The following EPM2A variants were observed in gnomAD, a reference collection of about 807,000 sequenced individuals.
The protein encoded by EPM2A is laforin.
In EPM2A, 21 loss-of-function variants were observed where a neutral mutation model predicts 26.5. The ratio of observed to expected loss-of-function variants is 0.79; its 90% confidence interval spans 0.56 to 1.14. The LOEUF is 1.14. Ranked by LOEUF, EPM2A falls within the 50% of genes most tolerant of loss-of-function variation. The probability of loss-of-function intolerance (pLI) is 0.00; values close to 1 mark genes in which losing one functional copy is unlikely to be tolerated. For missense variants in EPM2A, 458 were observed against 440.8 expected (o/e 1.04, Z -0.35); for synonymous variants, 217 against 177.6 (o/e 1.22, Z -1.76).
chr6:145,722,140 T>C (rs117015029), intron 1 of EPM2A, among the ~76,000 whole-genome samples: 1 of 152,360 alleles, frequency 6.6e-6, no homozygotes, highest in Non-Finnish European at 1.5e-5. Flanking sequence ...TGGATTATTT[T>C]AGTCTGGCAT....
chr6:145,458,563 C>T (rs1460381117), intron 4 of EPM2A, among the ~76,000 whole-genome samples: 4 of 152,106 alleles, frequency 2.6e-5, no homozygotes, highest in Non-Finnish European at 4.4e-5. Flanking sequence ...CAAAAGTCTC[C>T]CTGTAGCTGA....
intron 4 of EPM2A, among the ~76,000 whole-genome samples, chr6:145,428,056 CTA>C (rs1196537573): frequency 1.4e-5 from 2 of 141,146 alleles, no homozygotes; most frequent in Admixed American, 7.0e-5. Context: ...TTCTTTTTTC[CTA>C]TCTTTTTGTG....
At chr6:145,612,549 A>G (rs144002353) in intron 2 of EPM2A, among the ~76,000 whole-genome samples, 182 of 152,122 alleles carry the variant, frequency 1.2e-3, no homozygotes, top group African/African-American at 4.1e-3. Flanking sequence ...ATGTAATACA[A>G]TCAACAACAC....
intron 4 of EPM2A, among the ~76,000 whole-genome samples, chr6:145,388,031 C>T (rs962863760): frequency 4.6e-5 from 7 of 152,080 alleles, no homozygotes; most frequent in African/African-American, 1.4e-4. Context: ...CTTATCCAAC[C>T]GTGATCATAA....
intron 4 of EPM2A, among the ~76,000 whole-genome samples, chr6:145,461,504 C>A (rs2114717038): frequency 6.6e-6 from 1 of 152,264 alleles, no homozygotes; most frequent in Admixed American, 6.5e-5. Flanking sequence ...GGGCTGCATT[C>A]ATACATAATA....
intron 2 of EPM2A, among the ~76,000 whole-genome samples, chr6:145,610,951 G>C (rs1223113824): frequency 1.3e-5 from 2 of 152,076 alleles, no homozygotes; most frequent in African/African-American, 4.8e-5. Context: ...ATTTTCATTT[G>C]AACTACTACT....
chr6:145,521,198 T>A (rs181889736), intron 2 of EPM2A, among the ~76,000 whole-genome samples: 35 of 152,252 alleles, frequency 2.3e-4, no homozygotes, highest in Non-Finnish European at 4.7e-4. Context: ...GAGTTAGGTA[T>A]AATGAAGGGA....
chr6:145,675,177 C>G (rs1400480615), intron 2 of EPM2A, among the ~76,000 whole-genome samples: 2 of 152,042 alleles, frequency 1.3e-5, no homozygotes, highest in African/African-American at 4.8e-5. Flanking sequence ...TTCATTTCCA[C>G]CCAAACTAAG....
rs114735017 is a variant in EPM2A, at chr6:145,402,976, C to T, written c.556-18879G>A. ...GAGCTGTCACTTCAAGTTACATTTC[C>T]AGTAGTGTAGAGAATTCTCAAACTT... is the stretch of plus-strand genomic sequence containing the variant. On this transcript the variant is annotated intron_variant, in intron 4 of 4. Transcript: ENST00000638717. 6.0e-3 allele frequency among the ~76,000 whole-genome samples: 917 copies of T among 152,184 alleles called. 6 individuals carry two copies. Among genetic ancestry groups the T allele is most frequent in the African/African-American group, 0.021 (879 of 41,540 alleles).
chr6:145,462,830 T>C (rs571323271), intron 4 of EPM2A, among the ~76,000 whole-genome samples: 2 of 152,284 alleles, frequency 1.3e-5, no homozygotes, highest in African/African-American at 2.4e-5. Context: ...TCAATAAAGA[T>C]GACTCCTTCC....
intron 1 of EPM2A, among the ~76,000 whole-genome samples, chr6:145,716,953 C>A (rs1480418735): frequency 2.0e-5 from 3 of 152,056 alleles, no homozygotes; most frequent in Non-Finnish European, 4.4e-5. Flanking sequence ...TCATTAAATA[C>A]CAAGTTCAAA....
intron 1 of EPM2A, among the ~76,000 whole-genome samples, chr6:145,697,231 C>G (rs1781646099): frequency 6.6e-6 from 1 of 152,086 alleles, no homozygotes; most frequent in Non-Finnish European, 1.5e-5. Context: ...CACATGTCGG[C>G]AGGTTCCGTG....
intron 2 of EPM2A, among the ~76,000 whole-genome samples, chr6:145,656,024 C>T (rs546353889): frequency 7.2e-5 from 11 of 152,152 alleles, no homozygotes; most frequent in African/African-American, 1.9e-4. Flanking sequence ...AGATTTGAAA[C>T]GGAAATGTTC....
chr6:145,500,071 A>G (rs1779868853), downstream of EPM2A, among the ~76,000 whole-genome samples: 1 of 152,212 alleles, frequency 6.6e-6, no homozygotes, highest in Non-Finnish European at 1.5e-5. Flanking sequence ...AGTGAAATAG[A>G]CTTTGGTATA....
intron 4 of EPM2A, among the ~76,000 whole-genome samples, chr6:145,440,292 C>G (rs1180447066): frequency 2.0e-5 from 3 of 152,158 alleles, no homozygotes; most frequent in Non-Finnish European, 4.4e-5. Context: ...TGTTCACTAC[C>G]ATGAGAACAG....
intron 4 of EPM2A, among the ~76,000 whole-genome samples, chr6:145,453,551 C>T (rs1779224915): frequency 6.6e-6 from 1 of 152,166 alleles, no homozygotes; most frequent in South Asian, 2.1e-4. Context: ...TAACTTGACC[C>T]TGGTGTTCCT....
chr6:145,693,111 G>C (rs1191830620), intron 1 of EPM2A, among the ~76,000 whole-genome samples: 1 of 151,766 alleles, frequency 6.6e-6, no homozygotes, highest in African/African-American at 2.4e-5. Context: ...TACAATTCTT[G>C]TTGCAGAATT....
chr6:145,515,367 A>G (rs1433858631), intron 2 of EPM2A, among the ~76,000 whole-genome samples: 1 of 152,156 alleles, frequency 6.6e-6, no homozygotes, highest in Non-Finnish European at 1.5e-5. Context: ...CACAGATCAG[A>G]TTGGGGCCTC....
intron 4 of EPM2A, among the ~76,000 whole-genome samples, chr6:145,458,098 C>A (rs1203934157): frequency 6.6e-6 from 1 of 152,166 alleles, no homozygotes; most frequent in South Asian, 2.1e-4. Flanking sequence ...AAGTCCAGAC[C>A]TTTTAGGAGT....
Sources: gnomAD v4.1 joint callset for allele counts (sites outside exome capture counted in the v4.1 genomes callset) on GRCh38, gnomAD v4.1.1 for gene constraint, MANE v1.5 for transcripts, NCBI Gene and HGNC (gene_info 2026-07-23, HGNC 2026-07-21) for gene names.